Variants in SLC9C1 observed in about 807,000 individuals in gnomAD.
The protein encoded by SLC9C1 is sodium/hydrogen exchanger 10.
Under a neutral mutation model 140.9 loss-of-function variants are expected in SLC9C1, and 97 were observed. The ratio of observed to expected loss-of-function variants is 0.69; its 90% CI spans 0.58 to 0.82. SLC9C1 has a LOEUF of 0.82. SLC9C1 is among the 40% of genes least tolerant of loss of function. The pLI, the probability that SLC9C1 is intolerant of heterozygous loss-of-function variation, is 0.00. For synonymous variants in SLC9C1, 440 were observed against 442.6 expected (o/e 0.99, Z 0.07); for missense variants, 1,340 against 1,389.3 (o/e 0.96, Z 0.56).
intron 23 of SLC9C1, among the ~76,000 whole-genome samples, chr3:112,174,345 G>C (rs2077297423): frequency 6.6e-6 from 1 of 152,142 alleles, no homozygotes; most frequent in Non-Finnish European, 1.5e-5. Context: ...TTTCATGCTG[G>C]GGATCAGGGG....
At chr3:112,234,538 A>G (rs1041606751) in intron 12 of SLC9C1, among the ~76,000 whole-genome samples, 1 of 152,180 alleles carries the variant, frequency 6.6e-6, no homozygotes, top group Non-Finnish European at 1.5e-5. Context: ...TGTTTTAGAC[A>G]TGAAGTCCTT....
At chr3:112,231,622 T>A (rs1299369578) in intron 12 of SLC9C1, 136 bp from the exon 13 acceptor site, 2 of 797,926 alleles carry the variant, frequency 2.5e-6, no homozygotes, top group East Asian at 2.7e-5. Flanking sequence ...AATGTTCAGA[T>A]CCTCATCATT....
chr3:112,205,070 G>C (rs1397100298), intron 16 of SLC9C1, among the ~76,000 whole-genome samples: 1 of 152,002 alleles, frequency 6.6e-6, no homozygotes, highest in Non-Finnish European at 1.5e-5. Flanking sequence ...GGCAGGAGAA[G>C]GAAATAAAGG....
At chr3:112,232,371 T>G (rs2078851782) in intron 12 of SLC9C1, among the ~76,000 whole-genome samples, 1 of 152,158 alleles carries the variant, frequency 6.6e-6, no homozygotes, top group Non-Finnish European at 1.5e-5. Context: ...TTGAGTAAAC[T>G]ATCTGGATAA....
intron 28 of SLC9C1, among the ~76,000 whole-genome samples, chr3:112,142,844 C>CATAGT (rs747216624): frequency 1.1e-4 from 16 of 152,120 alleles, no homozygotes; most frequent in Non-Finnish European, 1.8e-4. Flanking sequence ...AGGTACTGAG[C>CATAGT]ATAGTACCCA....
chr3:112,203,196 A>G (rs1483583065), intron 17 of SLC9C1, among the ~76,000 whole-genome samples: 1 of 152,024 alleles, frequency 6.6e-6, no homozygotes, highest in Non-Finnish European at 1.5e-5. Context: ...ATTCATCTTC[A>G]TATTCCAAGG....
chr3:112,226,757 A>C (rs1289565484), intron 13 of SLC9C1, among the ~76,000 whole-genome samples: 1 of 152,062 alleles, frequency 6.6e-6, no homozygotes, highest in African/African-American at 2.4e-5. Context: ...TCAAAAAACA[A>C]CTTAATTATG....
intron 20 of SLC9C1, among the ~76,000 whole-genome samples, chr3:112,188,752 G>C (rs1173675005): frequency 1.3e-5 from 2 of 152,228 alleles, no homozygotes; most frequent in African/African-American, 4.8e-5. Context: ...TATATACCCA[G>C]TAATGGGATG....
chr3:112,221,098 A>G (rs1169574564), intron 14 of SLC9C1, 30 bp downstream of exon 14: 2 of 1,564,878 alleles, frequency 1.3e-6, no homozygotes, highest in Middle Eastern at 3.4e-4. Context: ...GTGGCTTAGA[A>G]TAGAAGCCAT....
intron 10 of SLC9C1, among the ~76,000 whole-genome samples, chr3:112,261,339 T>C (rs1168619497): frequency 1.3e-5 from 2 of 152,058 alleles, no homozygotes; most frequent in African/African-American, 2.4e-5. Context: ...ATTAGTTAAA[T>C]AGTTTAAAAT....
intron 6 of SLC9C1, among the ~76,000 whole-genome samples, chr3:112,272,711 A>T (rs1249755285): frequency 1.3e-5 from 2 of 152,198 alleles, no homozygotes; most frequent in Admixed American, 6.5e-5. Context: ...GATTACTTAC[A>T]GTTTTTATTC....
chr3:112,169,526 A>G (rs925667162), intron 23 of SLC9C1, among the ~76,000 whole-genome samples, 198 bp from the exon 24 acceptor site: 3 of 152,186 alleles, frequency 2.0e-5, no homozygotes, highest in African/African-American at 7.2e-5. Context: ...GACTTTGTCA[A>G]AATCAGTTGG....
chr3:112,153,938 T>C (rs2075057087), intron 27 of SLC9C1, among the ~76,000 whole-genome samples: 1 of 152,186 alleles, frequency 6.6e-6, no homozygotes, highest in Non-Finnish European at 1.5e-5. Context: ...AACATCCTTC[T>C]TTCATGAGGG....
At chr3:112,276,511 C>G (rs550057002) in intron 5 of SLC9C1, among the ~76,000 whole-genome samples, 2 of 152,058 alleles carry the variant, frequency 1.3e-5, no homozygotes, top group African/African-American at 4.8e-5. Context: ...TTAAAAATTT[C>G]TTCTGGAAAG....
chr3:112,284,719 A>T (rs1297395364), intron 2 of SLC9C1, among the ~76,000 whole-genome samples: 1 of 152,216 alleles, frequency 6.6e-6, no homozygotes, highest in African/African-American at 2.4e-5. Context: ...TTACATTGAA[A>T]ATGCAAAGGA....
chr3:112,204,317 T>C lies in SLC9C1; in HGVS notation c.2073A>G (p.Ile691Met), dbSNP rs750627620. 1.3e-6 allele frequency: 2 copies of C among 1,573,382 alleles called. No homozygotes were observed. Among genetic ancestry groups the C allele is most frequent in the Admixed American group, 2.0e-5 (1 of 51,232 alleles). The change falls in exon 17 of 29, where the codon ATA (isoleucine) becomes ATG (methionine). Residue 691 changes from isoleucine (I) to methionine (M), a missense_variant. By Grantham distance (10) the Ile-to-Met change is conservative. Coordinates refer to ENST00000305815, the MANE Select transcript of SLC9C1 (RefSeq NM_183061.3). ...ACTTAATGGTGTCTATTTCAATAAG[T>C]ATTACATGTAAGATGCCAATTAATG... ...AITLIGILHV[I>M]LIEIDTIKYI...
chr3:112,280,984 A>T (rs2080343039), intron 2 of SLC9C1, among the ~76,000 whole-genome samples: 1 of 152,188 alleles, frequency 6.6e-6, no homozygotes, highest in South Asian at 2.1e-4. Flanking sequence ...CTCTCCTATG[A>T]TGTATCTCAT....
intron 20 of SLC9C1, among the ~76,000 whole-genome samples, chr3:112,185,084 G>GC (rs1306336194): frequency 1.3e-5 from 2 of 152,010 alleles, no homozygotes; most frequent in African/African-American, 4.8e-5. Context: ...GGACAGGAGG[G>GC]CCAGGGGCAG....
chr3:112,291,872 GC>G (rs1478136898), intron 1 of SLC9C1, among the ~76,000 whole-genome samples: 2 of 152,172 alleles, frequency 1.3e-5, no homozygotes, highest in Non-Finnish European at 2.9e-5. Context: ...CAACCCAAAT[GC>G]CCATCAATGG....
Sources: allele counts gnomAD v4.1 joint callset (sites outside exome capture counted in the v4.1 genomes callset), GRCh38; gene constraint gnomAD v4.1.1; transcripts MANE v1.5; gene names NCBI Gene and HGNC (gene_info 2026-07-23, HGNC 2026-07-21).